Variants in TNS1 observed in about 807,000 individuals in gnomAD.
TNS1 encodes the protein tensin 1.
A neutral mutation model predicts 168.6 loss-of-function variants in TNS1; 62 were observed. The observed-to-expected ratio is 0.37, with a 90% CI of 0.30 to 0.45. The LOEUF (loss-of-function observed/expected upper bound fraction) is 0.45, where lower values mean the gene tolerates loss of function less well. Ranked by LOEUF, TNS1 falls within the 20% of genes least tolerant of loss-of-function variation. The pLI, the probability that TNS1 is intolerant of heterozygous loss-of-function variation, is 1.00. For synonymous variants in TNS1, 934 were observed against 933.2 expected, an observed-to-expected ratio of 1.00 and a Z score of -0.02; for missense variants, 2,240 against 2,339.4, an observed-to-expected ratio of 0.96 and a Z score of 0.88.
chr2:217,922,506 C>A (rs1955777698), intron 3 of TNS1, among the ~76,000 whole-genome samples: 1 of 152,216 alleles, frequency 6.6e-6, no homozygotes, highest in Non-Finnish European at 1.5e-5. Flanking sequence ...ACTGCCAGGG[C>A]CCCAGGTTCC....
chr2:217,961,728 A>G (rs1253654969), intron 3 of TNS1, among the ~76,000 whole-genome samples: 3 of 152,188 alleles, frequency 2.0e-5, no homozygotes, highest in Non-Finnish European at 4.4e-5. Flanking sequence ...CCATGTTGAC[A>G]TAGGAAATGA....
At chr2:217,931,882 G>A (rs561731492) in intron 3 of TNS1, among the ~76,000 whole-genome samples, 30 of 152,292 alleles carry the variant, frequency 2.0e-4, no homozygotes, top group African/African-American at 7.2e-4. Flanking sequence ...GGTTCCCTAT[G>A]CTGCCTGTAT....
At chr2:217,973,272 T>C (rs1957813124) in intron 3 of TNS1, among the ~76,000 whole-genome samples, 1 of 150,476 alleles carries the variant, frequency 6.6e-6, no homozygotes, top group African/African-American at 2.5e-5. Flanking sequence ...GGTGGGAGGA[T>C]TGAGGATGGC....
chr2:217,821,698 C>T (rs781625222), intron 23 of TNS1, 42 bp downstream of exon 23: 1 of 1,406,968 alleles, frequency 7.1e-7, no homozygotes, highest in African/African-American at 1.5e-5. Context: ...CAGTCCCAGG[C>T]CCGGATTCCC....
chr2:217,916,550 G>T (rs1559352641), intron 4 of TNS1, among the ~76,000 whole-genome samples: 1 of 152,196 alleles, frequency 6.6e-6, no homozygotes. Flanking sequence ...CAAGGATCAG[G>T]AGTGTCCGTG....
chr2:217,850,467 G>C, intron 18 of TNS1: 3 of 985,186 alleles, frequency 3.0e-6, no homozygotes, highest in Non-Finnish European at 3.6e-6. Flanking sequence ...GAAAAAGTGA[G>C]CGCTGGGTGG....
chr2:217,943,318 G>A (rs1031092926), intron 3 of TNS1, among the ~76,000 whole-genome samples: 4 of 152,162 alleles, frequency 2.6e-5, no homozygotes, highest in Non-Finnish European at 5.9e-5. Flanking sequence ...CCTCCCTGCA[G>A]CCAAGGTCAG....
rs148198079 is a variant in TNS1, at chr2:217,812,408, G to C, written c.4992C>G (p.Ile1664Met). 2 of 1,614,164 alleles carry C rather than the reference G, an allele frequency of 1.2e-6. No homozygotes were observed. The highest frequency in any genetic ancestry group is 2.7e-5 in the African/African-American group (2 of 75,030). ...LSALVYQHSI[I>M]PLALPCKLVI... ...CCAGCTTGCAAGGCAGGGCCAATGG[G>C]ATGATGGAGTGCTGGTAGACCAGGG... The change falls in exon 28 of 33, where the codon ATC becomes ATG. Residue 1664 changes from isoleucine to methionine, a missense_variant. By Grantham distance (10) the Ile-to-Met change is conservative. Transcript: ENST00000682258.
intron 3 of TNS1, among the ~76,000 whole-genome samples, chr2:217,964,822 G>T (rs571825347): frequency 1.3e-5 from 2 of 152,330 alleles, no homozygotes; most frequent in Non-Finnish European, 2.9e-5. Flanking sequence ...AGGCCAGGGG[G>T]TTAATCTGTG....
chr2:218,001,502 G>T (rs1958562573), intron 1 of TNS1, among the ~76,000 whole-genome samples: 1 of 152,008 alleles, frequency 6.6e-6, no homozygotes, highest in Admixed American at 6.5e-5. Flanking sequence ...GTCACCCCTG[G>T]ACGTCTACCT....
Position 217,990,933 on chromosome 2 carries a change from G to T in TNS1, c.148+9C>A, listed in dbSNP as rs138801490. On this transcript the variant is annotated intron_variant, in intron 2 of 32. Transcript: ENST00000682258. Reference sequence around the variant, plus strand: ...GCTCCCATCCCCCACAGCCCAGACCGCTGCTCACCTTTGCAGGTGCAGCCT... The same window carrying T: ...GCTCCCATCCCCCACAGCCCAGACCTCTGCTCACCTTTGCAGGTGCAGCCT... 7 of 641,382 alleles carry T rather than the reference G, an allele frequency of 1.1e-5. No individual in the cohort carries two copies. Among genetic ancestry groups the T allele is most frequent in the African/African-American group, 1.8e-5 (1 of 56,214 alleles). 39.7% of individuals were successfully genotyped at this position (641,382 alleles called of 1,614,324 possible).
intron 4 of TNS1, among the ~76,000 whole-genome samples, chr2:217,913,282 G>C (rs1954637908): frequency 1.3e-5 from 2 of 152,176 alleles, no homozygotes; most frequent in African/African-American, 4.8e-5. Context: ...TCTCCACAGG[G>C]GAAGGATCTG....
chr2:217,881,271 AC>A, intron 17 of TNS1: 1 of 413,120 alleles, frequency 2.4e-6, no homozygotes, highest in Non-Finnish European at 4.3e-6. Context: ...AAGAATGAAG[AC>A]CCCCTGGAAG....
chr2:217,948,532 C>T lies in TNS1; in HGVS notation c.187-28296G>A, dbSNP rs1957169112. ...TATGCATTTGAGCTGTACCTTCCCT[C>T]TTCTGACCATGCCCTCCCCGCTACA... On this transcript the variant is annotated intron_variant, in intron 3 of 32. Transcript: ENST00000682258. This position sits in a 1 kb window ranked among gnomAD's most constrained non-coding sequence, Gnocchi z 4.1. Among the ~76,000 whole-genome samples, 2 of 152,174 alleles carry T rather than the reference C, an allele frequency of 1.3e-5. No individual in the cohort carries two copies. The highest frequency in any genetic ancestry group is 2.9e-5 in the Non-Finnish European group (2 of 68,022).
At chr2:218,020,279 C>T (rs940142517) in intron 1 of TNS1, among the ~76,000 whole-genome samples, 1 of 151,980 alleles carries the variant, frequency 6.6e-6, no homozygotes, top group Admixed American at 6.5e-5. Flanking sequence ...TACGCCAGCC[C>T]CTCCCCTGGA....
chr2:217,870,963 G>A (rs1197509848), intron 18 of TNS1, among the ~76,000 whole-genome samples: 3 of 152,228 alleles, frequency 2.0e-5, no homozygotes, highest in South Asian at 4.1e-4. Context: ...GACTAATTGT[G>A]CCAGTGAGTC....
intron 9 of TNS1, among the ~76,000 whole-genome samples, 158 bp downstream of exon 9, chr2:217,894,848 G>A (rs1445271397): frequency 6.6e-6 from 1 of 152,136 alleles, no homozygotes. Context: ...TTGGCATTGT[G>A]GAAATGATAA....
chr2:217,992,630 T>C (rs1412639080), intron 1 of TNS1: 1 of 151,006 alleles, frequency 6.6e-6, no homozygotes, highest in Non-Finnish European at 1.5e-5. Context: ...GGCAAAGGCA[T>C]AGAAAGAGAG....
intron 18 of TNS1, among the ~76,000 whole-genome samples, chr2:217,869,506 GCCA>G (rs950953334): frequency 2.6e-5 from 4 of 152,182 alleles, no homozygotes; most frequent in Non-Finnish European, 5.9e-5. Flanking sequence ...CACTGTAGGA[GCCA>G]CACACCCATC....
Sources: allele counts gnomAD v4.1 joint callset (sites outside exome capture counted in the v4.1 genomes callset), GRCh38; gene constraint gnomAD v4.1.1; non-coding constraint Gnocchi (gnomAD v3.1); transcripts MANE v1.5; gene names NCBI Gene and HGNC (gene_info 2026-07-23, HGNC 2026-07-21).